PRKN: variants seen among roughly 807,000 people sequenced by gnomAD.
PRKN encodes parkin RBR E3 ubiquitin protein ligase, also known as E3 ubiquitin-protein ligase parkin.
PRKN carries 56 observed loss-of-function variants against 59.5 expected under a neutral mutation model. That is an observed-to-expected ratio of 0.94 (90% CI 0.76 to 1.18). PRKN has a LOEUF of 1.18. Among genes scored for constraint, PRKN ranks in the 50% most tolerant of loss-of-function variants. PRKN has a pLI of 0.00. For missense variants in PRKN, 657 were observed against 596.4 expected (o/e 1.10, Z -1.06); for synonymous variants, 250 against 222.1 (o/e 1.13, Z -1.12).
intron 1 of PRKN, among the ~76,000 whole-genome samples, chr6:162,644,482 C>G (rs914067853): frequency 6.6e-6 from 1 of 152,216 alleles, no homozygotes; most frequent in South Asian, 2.1e-4. Context: ...TAATCCCTCC[C>G]TGGGAGAATA....
chr6:162,628,493 A>G (rs1206910941), intron 1 of PRKN, among the ~76,000 whole-genome samples: 1 of 152,174 alleles, frequency 6.6e-6, no homozygotes, highest in Non-Finnish European at 1.5e-5. Flanking sequence ...ATCCATAGTC[A>G]GGAAATGATG....
chr6:161,662,984 T>G (rs1260286163), intron 7 of PRKN, among the ~76,000 whole-genome samples: 1 of 152,144 alleles, frequency 6.6e-6, no homozygotes, highest in East Asian at 1.9e-4. Context: ...AAGTGAATCA[T>G]AGGGGTGGGT....
chr6:161,518,739 T>G lies in PRKN; in HGVS notation c.1083+30115A>C, dbSNP rs536678964. Among the ~76,000 whole-genome samples the G allele has an allele frequency of 7.1e-3, 1,076 of 152,182 alleles. 7 individuals carry two copies. The highest frequency in any genetic ancestry group is 0.012 in the Non-Finnish European group (807 of 68,014). On this transcript the variant is annotated intron_variant, in intron 9 of 11. Coordinates refer to ENST00000366898, the MANE Select transcript of PRKN (RefSeq NM_004562.3). This position sits in a 1 kb window ranked among gnomAD's most constrained non-coding sequence, Gnocchi z 5.0. ...CCTGCCTGCTGCAGAGGGCCGGCGG[T>G]GTGCCTTGATACTTGGCTATGCATC...
At chr6:161,673,453 G>A (rs1259760982) in intron 7 of PRKN, among the ~76,000 whole-genome samples, 1 of 152,194 alleles carries the variant, frequency 6.6e-6, no homozygotes, top group African/African-American at 2.4e-5. Flanking sequence ...TGAGGTTTGA[G>A]AGAAAGGCTT....
At chr6:161,523,608 C>T (rs987616961) in intron 9 of PRKN, among the ~76,000 whole-genome samples, 3 of 152,170 alleles carry the variant, frequency 2.0e-5, no homozygotes, top group African/African-American at 7.2e-5. Context: ...TATGTGACAG[C>T]TCATAAGGCT....
At chr6:161,589,567 T>C (rs373118914) in intron 7 of PRKN, among the ~76,000 whole-genome samples, 1 of 151,948 alleles carries the variant, frequency 6.6e-6, no homozygotes, top group Non-Finnish European at 1.5e-5. Context: ...AGTTTCGACA[T>C]GTAAGAAAGA....
intron 4 of PRKN, among the ~76,000 whole-genome samples, chr6:162,140,246 C>A (rs1207479186): frequency 1.3e-5 from 2 of 152,124 alleles, no homozygotes; most frequent in African/African-American, 2.4e-5. Context: ...AGACTAAGAG[C>A]CACAATTGCC....
chr6:161,566,511 A>G lies in PRKN; in HGVS notation c.933+2844T>C, dbSNP rs1252006294. On this transcript the variant is annotated intron_variant, in intron 8 of 11. Transcript: ENST00000366898. The surrounding 1 kb of genome is among the most constrained non-coding windows in gnomAD (Gnocchi z 4.1). ...AACCTCCGCCTCCCAGGCTCAAGCA[A>G]TTCTCCTGCCTCAGCCTCCTGAGTA... is the stretch of plus-strand genomic sequence containing the variant. 6.6e-6 allele frequency among the ~76,000 whole-genome samples: 1 copy of G among 151,970 alleles called. No homozygotes were observed. The highest frequency in any genetic ancestry group is 1.5e-5 in the Non-Finnish European group (1 of 67,986).
chr6:162,206,081 C>G (rs1380103686), intron 3 of PRKN, among the ~76,000 whole-genome samples: 1 of 152,052 alleles, frequency 6.6e-6, no homozygotes, highest in African/African-American at 2.4e-5. Flanking sequence ...AGGACAGAAA[C>G]AGGGGGGACT....
At chr6:161,495,084 C>T (rs548627667) in intron 9 of PRKN, among the ~76,000 whole-genome samples, 1 of 152,210 alleles carries the variant, frequency 6.6e-6, no homozygotes, top group South Asian at 2.1e-4. Flanking sequence ...ATTTTATTTA[C>T]CACAATATAT....
At chr6:161,358,785 GCT>G (rs1469572383) in intron 11 of PRKN, among the ~76,000 whole-genome samples, 8 of 126,646 alleles carry the variant, frequency 6.3e-5, no homozygotes, top group African/African-American at 2.5e-4. Context: ...AGTGCCTTCT[GCT>G]CTTTTTTTTT....
chr6:162,259,870 G>A (rs576796424), intron 3 of PRKN, among the ~76,000 whole-genome samples: 3 of 152,202 alleles, frequency 2.0e-5, no homozygotes, highest in Non-Finnish European at 4.4e-5. Flanking sequence ...GGTGAAGTCA[G>A]AACTGGAGTA....
chr6:162,199,107 A>G (rs1784616361), intron 4 of PRKN, among the ~76,000 whole-genome samples: 1 of 151,798 alleles, frequency 6.6e-6, no homozygotes, highest in African/African-American at 2.4e-5. Context: ...CCCTTCCACT[A>G]CTGTCCTCAC....
In PRKN at chr6:162,113,053, C is replaced by T. The variant is rs568174819; in HGVS notation, c.535-58879G>A. ...AAATGGAAGCAGGCTTTCATGAAAA[C>T]AGTCTTCAAGTTCATGTTACACAAA... On this transcript the variant is annotated intron_variant, in intron 4 of 11. Transcript: ENST00000366898. Among the ~76,000 whole-genome samples the T allele has an allele frequency of 3.3e-5, 5 of 152,264 alleles. No individual in the cohort carries two copies. In the South Asian group the frequency reaches 8.3e-4, roughly 25 times the overall value.
intron 4 of PRKN, among the ~76,000 whole-genome samples, chr6:162,126,491 T>C (rs539299728): frequency 6.6e-6 from 1 of 152,368 alleles, no homozygotes; most frequent in East Asian, 1.9e-4. Context: ...TATGTGGTCA[T>C]TGTTGCCATG....
At position 161,791,776 on chromosome 6, in the gene PRKN, C is replaced by T. The variant is rs145605492; in HGVS notation, c.735-5868G>A. On this transcript the variant is annotated intron_variant, in intron 6 of 11. Coordinates refer to ENST00000366898, the MANE Select transcript of PRKN (RefSeq NM_004562.3). ...GTTAGAGAGATAGGATATATTGCCACGCTCACGCTCTGGGGTAAGCAGCCT... is the reference window on the plus strand; with the variant it reads ...GTTAGAGAGATAGGATATATTGCCATGCTCACGCTCTGGGGTAAGCAGCCT... Among the ~76,000 whole-genome samples, 6 of 152,308 alleles carry T rather than the reference C, an allele frequency of 3.9e-5. No individual in the cohort carries two copies. The East Asian group carries it at 9.6e-4, about 24-fold the overall frequency.
intron 4 of PRKN, among the ~76,000 whole-genome samples, chr6:162,190,589 C>T (rs778977099): frequency 1.3e-5 from 2 of 152,120 alleles, no homozygotes; most frequent in Non-Finnish European, 1.5e-5. Flanking sequence ...GATGCATTTA[C>T]GCAGGTAGCT....
intron 6 of PRKN, among the ~76,000 whole-genome samples, chr6:161,799,712 T>C (rs1465803436): frequency 6.6e-6 from 1 of 152,178 alleles, no homozygotes; most frequent in Non-Finnish European, 1.5e-5. Context: ...AAACTAGCAA[T>C]GAAAAGTGAC....
At chr6:162,579,380 C>A (rs1780690667) in intron 1 of PRKN, among the ~76,000 whole-genome samples, 4 of 151,980 alleles carry the variant, frequency 2.6e-5, no homozygotes, top group African/African-American at 9.7e-5. Context: ...GCCTCAACTT[C>A]CTTCAGTGGA....
Sources: gnomAD v4.1 joint callset for allele counts (sites outside exome capture counted in the v4.1 genomes callset) on GRCh38, gnomAD v4.1.1 for gene constraint, Gnocchi (gnomAD v3.1) non-coding constraint, MANE v1.5 for transcripts, NCBI Gene and HGNC (gene_info 2026-07-23, HGNC 2026-07-21) for gene names.